Variants in FANCC observed in about 807,000 individuals in gnomAD.
FANCC encodes FA complementation group C.
FANCC carries 55 observed loss-of-function variants against 71.3 expected under a neutral mutation model. The ratio of observed to expected loss-of-function variants is 0.77; its 90% CI spans 0.62 to 0.97. The LOEUF is 0.97. Among genes scored for constraint, FANCC ranks in the 50% least tolerant of loss-of-function variants. The pLI is 0.00. For missense variants in FANCC, 678 were observed against 670.9 expected, an observed-to-expected ratio of 1.01 and a Z score of -0.12; for synonymous variants, 275 against 244.9, an observed-to-expected ratio of 1.12 and a Z score of -1.15.
chr9:95,308,649 G>A (rs562460788), intron 1 of FANCC, among the ~76,000 whole-genome samples: 2 of 152,172 alleles, frequency 1.3e-5, no homozygotes, highest in East Asian at 1.9e-4. Flanking sequence ...AAAGTGCTGC[G>A]ATTACAGGCA....
chr9:95,255,571 T>TAAATCC (rs1030072554), intron 1 of FANCC, among the ~76,000 whole-genome samples: 5 of 152,084 alleles, frequency 3.3e-5, no homozygotes, highest in African/African-American at 1.2e-4. Flanking sequence ...CAAAGGTAGA[T>TAAATCC]AAATCCATGA....
intron 1 of FANCC, among the ~76,000 whole-genome samples, chr9:95,308,675 G>A (rs1021614440): frequency 6.6e-6 from 1 of 152,076 alleles, no homozygotes; most frequent in African/African-American, 2.4e-5. Context: ...CACCACGCCC[G>A]GCCTAGACTT....
chr9:95,280,707 A>G (rs879570159), intron 1 of FANCC, among the ~76,000 whole-genome samples: 3 of 152,226 alleles, frequency 2.0e-5, no homozygotes, highest in Non-Finnish European at 4.4e-5. Flanking sequence ...GACAAAGATA[A>G]GCTGCCAGTA....
intron 13 of FANCC, among the ~76,000 whole-genome samples, chr9:95,107,887 A>C (rs2071582125): frequency 6.6e-6 from 1 of 152,206 alleles, no homozygotes; most frequent in Non-Finnish European, 1.5e-5. Flanking sequence ...GAACCCACAT[A>C]ATAATGGTAA....
intron 4 of FANCC, among the ~76,000 whole-genome samples, chr9:95,179,794 T>A (rs1012683392): frequency 2.6e-5 from 4 of 152,236 alleles, no homozygotes; most frequent in African/African-American, 9.6e-5. Flanking sequence ...GAAGTATAGA[T>A]GAAGCAGAAA....
At chr9:95,286,476 T>G (rs1020863720) in intron 1 of FANCC, among the ~76,000 whole-genome samples, 5 of 152,236 alleles carry the variant, frequency 3.3e-5, no homozygotes, top group African/African-American at 1.2e-4. Flanking sequence ...TATTTATCAT[T>G]CAATCATTTA....
At chr9:95,267,246 C>G (rs530325701) in intron 1 of FANCC, among the ~76,000 whole-genome samples, 1 of 152,258 alleles carries the variant, frequency 6.6e-6, no homozygotes, top group South Asian at 2.1e-4. Context: ...AGAGCCCTAC[C>G]CCTCCATGCC....
intron 3 of FANCC, among the ~76,000 whole-genome samples, chr9:95,247,010 C>T (rs1831023129): frequency 6.6e-6 from 1 of 152,064 alleles, no homozygotes; most frequent in Non-Finnish European, 1.5e-5. Flanking sequence ...AATGACTTTA[C>T]AACATGGGAA....
intron 4 of FANCC, among the ~76,000 whole-genome samples, chr9:95,224,910 T>C (rs1356575619): frequency 6.6e-6 from 1 of 152,170 alleles, no homozygotes; most frequent in East Asian, 1.9e-4. Flanking sequence ...TAGAGTAAAG[T>C]ACTATTCAAA....
intron 1 of FANCC, among the ~76,000 whole-genome samples, chr9:95,307,350 C>A (rs916737433): frequency 2.6e-5 from 4 of 151,626 alleles, no homozygotes; most frequent in Admixed American, 1.3e-4. Context: ...CAAAAAAAAA[C>A]CATGCTTATA....
chr9:95,136,108 A>C (rs962294928), intron 7 of FANCC, among the ~76,000 whole-genome samples: 1 of 152,230 alleles, frequency 6.6e-6, no homozygotes, highest in Non-Finnish European at 1.5e-5. Context: ...AACAATTTCA[A>C]GGCCAGATGC....
intron 4 of FANCC, among the ~76,000 whole-genome samples, chr9:95,209,426 G>C (rs988403919): frequency 3.9e-5 from 6 of 152,156 alleles, no homozygotes; most frequent in Admixed American, 1.3e-4. Flanking sequence ...TGTGACCAAT[G>C]CATCCCTCTG....
intron 4 of FANCC, among the ~76,000 whole-genome samples, chr9:95,228,699 G>A (rs1829793219): frequency 1.3e-5 from 2 of 152,154 alleles, no homozygotes; most frequent in Admixed American, 6.5e-5. Context: ...AGGATGATGA[G>A]GCAGGCCTCC....
Position 95,111,198 on chromosome 9 carries a change from A to C in FANCC, c.1329+265T>G, listed in dbSNP as rs1554829329. ...TATGGCAGCTGAGCAATAACAGATC[A>C]AATGACCTTGGGGAAGAAGGGTCTT... On this transcript the variant is annotated intron_variant, in intron 13 of 14. Coordinates refer to ENST00000289081, the MANE Select transcript of FANCC (RefSeq NM_000136.3). 2 of 1,536,230 alleles carry C rather than the reference A, an allele frequency of 1.3e-6. No individual in the cohort carries two copies. The highest frequency in any genetic ancestry group is 1.4e-5 in the African/African-American group (1 of 73,192).
intron 7 of FANCC, among the ~76,000 whole-genome samples, chr9:95,142,297 A>G (rs1477554570): frequency 2.0e-5 from 3 of 151,722 alleles, no homozygotes; most frequent in Non-Finnish European, 4.4e-5. Context: ...CCGGCCACCA[A>G]CAGTTTTTAT....
At chr9:95,157,148 G>C (rs1830499245) in intron 6 of FANCC, among the ~76,000 whole-genome samples, 1 of 151,936 alleles carries the variant, frequency 6.6e-6, no homozygotes, top group Admixed American at 6.6e-5. Flanking sequence ...CTTCTAGAAG[G>C]CATCTATGCA....
At chr9:95,160,659 A>T (rs139737291) in intron 6 of FANCC, among the ~76,000 whole-genome samples, 42 of 152,290 alleles carry the variant, frequency 2.8e-4, no homozygotes, top group African/African-American at 8.4e-4. Context: ...CCTATCCATG[A>T]GCATGGAATG....
chr9:95,213,718 T>C (rs567642324), intron 4 of FANCC, among the ~76,000 whole-genome samples: 4 of 152,144 alleles, frequency 2.6e-5, no homozygotes, highest in Non-Finnish European at 5.9e-5. Flanking sequence ...GAAGAAAAGA[T>C]AGGGCAAAGC....
rs536112140 is a variant in FANCC, at chr9:95,133,427, G to C, written c.843+1919C>G. Among the ~76,000 whole-genome samples, 5 of 152,358 alleles carry C rather than the reference G, an allele frequency of 3.3e-5. 1 individual carries two copies. In the South Asian group the frequency reaches 1.0e-3, roughly 32 times the overall value. On this transcript the variant is annotated intron_variant, in intron 8 of 14. Coordinates refer to ENST00000289081, the MANE Select transcript of FANCC (RefSeq NM_000136.3). ...TTCTGCACACATGATCCCGATAAAAGCTTTTGTAAGTCAACTGACTTCAAA... is the reference window on the plus strand; with the variant it reads ...TTCTGCACACATGATCCCGATAAAACCTTTTGTAAGTCAACTGACTTCAAA...
Sources: allele counts gnomAD v4.1 joint callset (sites outside exome capture counted in the v4.1 genomes callset), GRCh38; gene constraint gnomAD v4.1.1; transcripts MANE v1.5; gene names NCBI Gene and HGNC (gene_info 2026-07-23, HGNC 2026-07-21).